The following DYRK1A variants were observed in gnomAD, a reference collection of about 807,000 sequenced individuals.
The protein encoded by DYRK1A is dual specificity tyrosine-phosphorylation-regulated kinase 1A.
DYRK1A carries 9 observed loss-of-function variants against 79.7 expected under a neutral mutation model. That is an observed-to-expected ratio of 0.11 (90% CI 0.07 to 0.20). The LOEUF is 0.20. Ranked by LOEUF, DYRK1A falls within the 10% of genes least tolerant of loss-of-function variation. DYRK1A has a pLI of 1.00. For synonymous variants in DYRK1A, 349 were observed against 329.7 expected, an observed-to-expected ratio of 1.06 and a Z score of -0.63; for missense variants, 622 against 956.0, an observed-to-expected ratio of 0.65 and a Z score of 4.61.
chr21:37,466,859 G>A (rs1035001459), intron 2 of DYRK1A, among the ~76,000 whole-genome samples: 3 of 151,926 alleles, frequency 2.0e-5, no homozygotes, highest in South Asian at 2.1e-4. Context: ...CTTTGATGAG[G>A]CGGACCATGA....
chr21:37,389,642 A>G (rs2049832084), intron 1 of DYRK1A, among the ~76,000 whole-genome samples: 1 of 152,004 alleles, frequency 6.6e-6, no homozygotes, highest in Admixed American at 6.6e-5. Context: ...ATATTTGGCC[A>G]TCCTTGGGCA....
rs560054972 is a variant in DYRK1A at position 37,429,853 on chromosome 21, A to G, written c.10+9469A>G. On this transcript the variant is annotated intron_variant, in intron 2 of 11. Transcript: ENST00000647188. ...TTTCCTTTTCCTCGTTTCCACTTAC[A>G]GGGGTAACCCCTTTTACTATTTTCC... Among the ~76,000 whole-genome samples the G allele has an allele frequency of 3.9e-5, 6 of 152,360 alleles. No individual in the cohort carries two copies. In the South Asian group the frequency reaches 1.2e-3, roughly 32 times the overall value.
intron 9 of DYRK1A, among the ~76,000 whole-genome samples, chr21:37,497,043 C>T (rs552769308): frequency 2.5e-4 from 38 of 152,060 alleles, no homozygotes; most frequent in Non-Finnish European, 3.8e-4. Flanking sequence ...GAATATGACC[C>T]CCACACACAC....
intron 3 of DYRK1A, among the ~76,000 whole-genome samples, chr21:37,474,280 A>G (rs1248313190): frequency 1.3e-5 from 2 of 152,224 alleles, no homozygotes; most frequent in African/African-American, 2.4e-5. Context: ...CAAAGCACCT[A>G]TTTTTATATC....
intron 1 of DYRK1A, among the ~76,000 whole-genome samples, chr21:37,387,827 G>A (rs897794774): frequency 2.6e-5 from 4 of 152,162 alleles, no homozygotes; most frequent in African/African-American, 9.7e-5. Flanking sequence ...AAATGGAGTT[G>A]GAATGTAATT....
At chr21:37,372,094 A>G (rs560158018) in intron 1 of DYRK1A, among the ~76,000 whole-genome samples, 1 of 152,106 alleles carries the variant, frequency 6.6e-6, no homozygotes, top group East Asian at 1.9e-4. Context: ...TGTCCGTAAA[A>G]TGTTATGGAC....
intron 4 of DYRK1A, among the ~76,000 whole-genome samples, chr21:37,478,756 T>C (rs780540561): frequency 6.6e-6 from 1 of 152,246 alleles, no homozygotes; most frequent in Non-Finnish European, 1.5e-5. Flanking sequence ...GCCTAGTTTA[T>C]TTGATCTATC....
At chr21:37,511,816 T>C in intron 11 of DYRK1A, 95 bp from the exon 12 acceptor site, 1 of 1,392,034 alleles carries the variant, frequency 7.2e-7, no homozygotes, top group Non-Finnish European at 9.8e-7. Flanking sequence ...CCCTGATTAA[T>C]ATGATGCTAG....
intron 3 of DYRK1A, among the ~76,000 whole-genome samples, chr21:37,473,379 C>T (rs2052293161): frequency 6.6e-6 from 1 of 152,162 alleles, no homozygotes. Flanking sequence ...CACCATTTTT[C>T]TATGAAGTGA....
At chr21:37,507,986 C>T (rs1179888357) in intron 11 of DYRK1A, among the ~76,000 whole-genome samples, 1 of 151,842 alleles carries the variant, frequency 6.6e-6, no homozygotes, top group East Asian at 1.9e-4. Context: ...ATTTTCACTT[C>T]CTTCCCAACG....
upstream of DYRK1A, chr21:37,365,803 T>C (rs2049290715): frequency 6.6e-6 from 1 of 152,402 alleles, no homozygotes. Flanking sequence ...TAAAGGGCAT[T>C]CCGATGGAGC....
chr21:37,379,097 G>C (rs2049606087), intron 1 of DYRK1A, among the ~76,000 whole-genome samples: 1 of 152,242 alleles, frequency 6.6e-6, no homozygotes, highest in South Asian at 2.1e-4. Context: ...TGCTCAGGGA[G>C]TGAAGGGGAC....
At chr21:37,424,582 C>G (rs2050567027) in intron 2 of DYRK1A, among the ~76,000 whole-genome samples, 1 of 152,084 alleles carries the variant, frequency 6.6e-6, no homozygotes, top group Admixed American at 6.5e-5. Context: ...TCATCAAAAG[C>G]TAACCATAGT....
At chr21:37,446,963 A>G (rs2051294017) in intron 2 of DYRK1A, among the ~76,000 whole-genome samples, 1 of 151,984 alleles carries the variant, frequency 6.6e-6, no homozygotes, top group South Asian at 2.1e-4. Context: ...GATTGTTACT[A>G]GTCTTGCCAC....
intron 2 of DYRK1A, among the ~76,000 whole-genome samples, chr21:37,422,145 A>G (rs1290240189): frequency 6.6e-6 from 1 of 152,170 alleles, no homozygotes; most frequent in Admixed American, 6.6e-5. Context: ...ATAAAATCCA[A>G]TCTCTTATTC....
chr21:37,395,676 C>G (rs2049948159), intron 1 of DYRK1A, among the ~76,000 whole-genome samples: 1 of 152,070 alleles, frequency 6.6e-6, no homozygotes, highest in Non-Finnish European at 1.5e-5. Flanking sequence ...ATCTGTGTCC[C>G]CTCTCCCATC....
intron 2 of DYRK1A, among the ~76,000 whole-genome samples, chr21:37,467,549 T>C (rs1477650820): frequency 6.6e-6 from 1 of 152,226 alleles, no homozygotes; most frequent in Non-Finnish European, 1.5e-5. Context: ...TCGTTTATCA[T>C]TTCAAAAATC....
chr21:37,506,427 T>C (rs1391018070), intron 11 of DYRK1A: 1 of 1,449,704 alleles, frequency 6.9e-7, no homozygotes, highest in Admixed American at 2.1e-5. Context: ...TAACACTTAT[T>C]GGGGGCATAA....
At chr21:37,380,296 G>A (rs2049630759) in intron 1 of DYRK1A, among the ~76,000 whole-genome samples, 1 of 152,086 alleles carries the variant, frequency 6.6e-6, no homozygotes, top group Admixed American at 6.6e-5. Context: ...GTTCGTTATT[G>A]AGAGACATTG....
Sources: allele counts gnomAD v4.1 joint callset (sites outside exome capture counted in the v4.1 genomes callset), GRCh38; gene constraint gnomAD v4.1.1; transcripts MANE v1.5; gene names NCBI Gene and HGNC (gene_info 2026-07-23, HGNC 2026-07-21).